SPTB: variants seen among roughly 807,000 people sequenced by gnomAD.
SPTB encodes spectrin beta chain, erythrocytic.
SPTB carries 45 observed loss-of-function variants against 256.2 expected under a neutral mutation model. That is an observed-to-expected ratio of 0.18 (90% CI 0.14 to 0.23). The LOEUF (loss-of-function observed/expected upper bound fraction) is 0.23, where lower values mean the gene tolerates loss of function less well. Among genes scored for constraint, SPTB ranks in the 10% least tolerant of loss-of-function variants. The pLI is 1.00. For missense variants in SPTB, 2,715 were observed against 3,040.4 expected (o/e 0.89, Z 2.52); for synonymous variants, 1,231 against 1,243.1 (o/e 0.99, Z 0.21).
rs2083196803 is a variant in SPTB, at chr14:64,816,701, C to T, written c.148+6246G>A. On this transcript the variant is annotated intron_variant, in intron 2 of 35. Transcript: ENST00000644917. The surrounding 1 kb of genome is among the most constrained non-coding windows in gnomAD (Gnocchi z 4.2). Reference sequence around the variant, plus strand: ...TTTGGAGGCAAAATGCTCCCAGAGACTCGGCTGCTACTAGCCTCCTTGTCA... The same window carrying T: ...TTTGGAGGCAAAATGCTCCCAGAGATTCGGCTGCTACTAGCCTCCTTGTCA... 6.6e-6 allele frequency among the ~76,000 whole-genome samples: 1 copy of T among 152,158 alleles called. No homozygotes were observed. The highest frequency in any genetic ancestry group is 2.4e-5 in the African/African-American group (1 of 41,420).
intron 1 of SPTB, among the ~76,000 whole-genome samples, chr14:64,858,241 G>A (rs1000865932): frequency 3.9e-5 from 6 of 152,190 alleles, no homozygotes; most frequent in African/African-American, 1.4e-4. Flanking sequence ...GTAAACAGAG[G>A]GTGCAGGTAA....
chr14:64,799,687 C>T (rs1170895387), intron 9 of SPTB, 60 bp downstream of exon 9: 2 of 1,600,570 alleles, frequency 1.2e-6, no homozygotes, highest in Non-Finnish European at 1.7e-6. Context: ...CTGGCTCTAC[C>T]TTTTGGTGGT....
In SPTB at chr14:64,792,519, T is replaced by G. The variant is rs1456938264; in HGVS notation, c.2666+478A>C. Among the ~76,000 whole-genome samples, 1 of 151,966 alleles carries G rather than the reference T, an allele frequency of 6.6e-6. No homozygotes were observed. Among genetic ancestry groups the G allele is most frequent in the African/African-American group, 2.4e-5 (1 of 41,388 alleles). On this transcript the variant is annotated intron_variant, in intron 14 of 35. Transcript: ENST00000644917. The surrounding 1 kb of genome is among the most constrained non-coding windows in gnomAD (Gnocchi z 4.2). ...CTGGGGCATGCCTCATCATCTGGGG[T>G]GCTGACAAAATCAGAACACCAGGGG...
chr14:64,878,297 A>T (rs1360239136), intron 1 of SPTB, among the ~76,000 whole-genome samples: 1 of 152,088 alleles, frequency 6.6e-6, no homozygotes, highest in South Asian at 2.1e-4. Flanking sequence ...TAAGTTTAAC[A>T]TTCCCTTTCC....
chr14:64,805,824 T>A (rs1413315188), intron 2 of SPTB, among the ~76,000 whole-genome samples: 1 of 152,200 alleles, frequency 6.6e-6, no homozygotes, highest in Non-Finnish European at 1.5e-5. Flanking sequence ...AGGAAAATGA[T>A]GAGCAAGGGA....
At position 64,774,558 on chromosome 14, in the gene SPTB, C is replaced by G. The variant is rs549633702; in HGVS notation, c.4843-31G>C. 7.7e-6 allele frequency: 12 copies of G among 1,551,562 alleles called. No homozygotes were observed. The Admixed American group carries it at 2.0e-4, about 25-fold the overall frequency. On this transcript the variant is annotated intron_variant, in intron 23 of 35. Transcript: ENST00000644917. ...AGGCAGCAGACGGTCAGCGCCAGAG[C>G]TCAGTCTGGCCATGATCCCTCCCTT... is the stretch of plus-strand genomic sequence containing the variant.
rs769729032 is a variant in SPTB at position 64,793,008 on chromosome 14, G to A, written c.2655C>T (p.Val885=). The A allele has an allele frequency of 2.1e-5, 34 of 1,613,832 alleles. 1 individual carries two copies. Among genetic ancestry groups the A allele is most frequent in the African/African-American group, 1.3e-4 (10 of 74,944 alleles). The change falls in exon 14 of 36, where the codon GTC becomes GTT. Residue 885 remains valine, a synonymous_variant. Coordinates refer to ENST00000644917, the MANE Select transcript of SPTB (RefSeq NM_001355436.2). The surrounding 1 kb of genome is among the most constrained non-coding windows in gnomAD (Gnocchi z 7.0). ...GAGTTAACTCTGACCTGTGCTGCACGACCTCCAGGTCCTCCAGGGTGTCTG... is the reference window on the plus strand; with the variant it reads ...GAGTTAACTCTGACCTGTGCTGCACAACCTCCAGGTCCTCCAGGGTGTCTG... ...EMPDTLEDLE[V]VQHRFDILDQ...
Position 64,852,689 on chromosome 14 carries a change from C to G in SPTB, c.-52+27103G>C, listed in dbSNP as rs376194822. 1.3e-5 allele frequency among the ~76,000 whole-genome samples: 2 copies of G among 152,118 alleles called. No individual in the cohort carries two copies. The highest frequency in any genetic ancestry group is 4.8e-5 in the African/African-American group (2 of 41,398). ...AAGGGAAGAGCCAAGAATGATTTCT[C>G]AAGTGGATGATGGTCCTATCAACCA... On this transcript the variant is annotated intron_variant, in intron 1 of 35. Transcript: ENST00000644917. The surrounding 1 kb of genome is among the most constrained non-coding windows in gnomAD (Gnocchi z 4.2).
chr14:64,827,479 T>G lies in SPTB; in HGVS notation c.-51-4334A>C, dbSNP rs2083392346. On this transcript the variant is annotated intron_variant, in intron 1 of 35. Transcript: ENST00000644917. This position sits in a 1 kb window ranked among gnomAD's most constrained non-coding sequence, Gnocchi z 4.6. Reference sequence around the variant, plus strand: ...TCTAGTTTGTCCTGCCCCTTTATGCTACCTCAAACCTGCTTTTAACAATTT... The same window carrying G: ...TCTAGTTTGTCCTGCCCCTTTATGCGACCTCAAACCTGCTTTTAACAATTT... Among the ~76,000 whole-genome samples the G allele has an allele frequency of 6.6e-6, 1 of 152,198 alleles. No individual in the cohort carries two copies. The highest frequency in any genetic ancestry group is 1.5e-5 in the Non-Finnish European group (1 of 68,034).
rs2083016438 is a variant in SPTB, at chr14:64,807,962, A to G, written c.149-2872T>C. On this transcript the variant is annotated intron_variant, in intron 2 of 35. Coordinates refer to ENST00000644917, the MANE Select transcript of SPTB (RefSeq NM_001355436.2). This position sits in a 1 kb window ranked among gnomAD's most constrained non-coding sequence, Gnocchi z 4.7. ...GCAGGAAGGGGGTGAGTCCACCAGCATGGACTGGCTGACAGCCTCTGCTGC... is the reference window on the plus strand; with the variant it reads ...GCAGGAAGGGGGTGAGTCCACCAGCGTGGACTGGCTGACAGCCTCTGCTGC... Among the ~76,000 whole-genome samples, 1 of 152,244 alleles carries G rather than the reference A, an allele frequency of 6.6e-6. No individual in the cohort carries two copies. The highest frequency in any genetic ancestry group is 1.5e-5 in the Non-Finnish European group (1 of 68,042).
chr14:64,872,491 G>A (rs1206684521), intron 1 of SPTB, among the ~76,000 whole-genome samples: 1 of 152,158 alleles, frequency 6.6e-6, no homozygotes, highest in Non-Finnish European at 1.5e-5. Flanking sequence ...AACTTCCAGT[G>A]GCTTCCTATG....
chr14:64,817,825 G>T (rs2083219540), intron 2 of SPTB, among the ~76,000 whole-genome samples: 1 of 152,250 alleles, frequency 6.6e-6, no homozygotes, highest in South Asian at 2.1e-4. Context: ...TGGCAGCCAA[G>T]GAGGTGGGCG....
chr14:64,847,870 G>A lies in SPTB; in HGVS notation c.-51-24725C>T, dbSNP rs1020436080. On this transcript the variant is annotated intron_variant, in intron 1 of 35. Coordinates refer to ENST00000644917, the MANE Select transcript of SPTB (RefSeq NM_001355436.2). The surrounding 1 kb of genome is among the most constrained non-coding windows in gnomAD (Gnocchi z 5.9). ...CCCCCCACCGCAAACCCCATCCGGAGTGAGACAAAGGGAGGCACTCCACAC... is the reference window on the plus strand; with the variant it reads ...CCCCCCACCGCAAACCCCATCCGGAATGAGACAAAGGGAGGCACTCCACAC... Among the ~76,000 whole-genome samples the A allele has an allele frequency of 2.0e-5, 3 of 152,158 alleles. No individual in the cohort carries two copies. Among genetic ancestry groups the A allele is most frequent in the Admixed American group, 1.3e-4 (2 of 15,272 alleles).
intron 15 of SPTB, among the ~76,000 whole-genome samples, chr14:64,788,062 A>T (rs967571996): frequency 1.3e-5 from 2 of 152,250 alleles, no homozygotes; most frequent in African/African-American, 4.8e-5. Flanking sequence ...GATTTAGAGA[A>T]ATATTCAGAC....
At chr14:64,787,282 TA>T (rs2082589601) in intron 15 of SPTB, 122 bp from the exon 16 acceptor site, 1 of 1,322,562 alleles carries the variant, frequency 7.6e-7, no homozygotes, top group African/African-American at 1.6e-5. Context: ...CTTTGTATGA[TA>T]AAAAGAAAAA....
intron 33 of SPTB, chr14:64,752,158 G>A: frequency 1.5e-6 from 2 of 1,327,448 alleles, no homozygotes; most frequent in Non-Finnish European, 2.0e-6. Flanking sequence ...TGGCATGTTT[G>A]GTGAGGGAAT....
Position 64,777,477 on chromosome 14 carries a change from G to A in SPTB, c.4563+1680C>T, listed in dbSNP as rs79020374. On this transcript the variant is annotated intron_variant, in intron 22 of 35. Coordinates refer to ENST00000644917, the MANE Select transcript of SPTB (RefSeq NM_001355436.2). This position sits in a 1 kb window ranked among gnomAD's most constrained non-coding sequence, Gnocchi z 4.5. ...GTTCCCTAGGTGATGTGAGTGTACA[G>A]CCAGGGGTGAGAGCCCTTCATGTAC... 0.092 allele frequency among the ~76,000 whole-genome samples: 13,948 copies of A among 152,246 alleles called. 693 individuals are homozygous for A. Among genetic ancestry groups the A allele is most frequent in the Middle Eastern group, 0.13 (38 of 294 alleles).
chr14:64,813,403 A>C (rs140131466), intron 2 of SPTB, among the ~76,000 whole-genome samples: 26 of 152,304 alleles, frequency 1.7e-4, no homozygotes, highest in Admixed American at 1.5e-3. Context: ...TCTGAAAACA[A>C]TCATTTCATG....
In SPTB at chr14:64,827,454, T is replaced by A. The variant is rs1033160146; in HGVS notation, c.-51-4309A>T. 3.9e-5 allele frequency among the ~76,000 whole-genome samples: 6 copies of A among 152,224 alleles called. No homozygotes were observed. Among genetic ancestry groups the A allele is most frequent in the African/African-American group, 1.4e-4 (6 of 41,454 alleles). ...TAAGGTTTGACCCCCTCACCTGTTT[T>A]CTAGTTTGTCCTGCCCCTTTATGCT... On this transcript the variant is annotated intron_variant, in intron 1 of 35. Transcript: ENST00000644917. The surrounding 1 kb of genome is among the most constrained non-coding windows in gnomAD (Gnocchi z 4.6).
Sources: allele counts gnomAD v4.1 joint callset (sites outside exome capture counted in the v4.1 genomes callset), GRCh38; gene constraint gnomAD v4.1.1; non-coding constraint Gnocchi (gnomAD v3.1); transcripts MANE v1.5; gene names NCBI Gene and HGNC (gene_info 2026-07-23, HGNC 2026-07-21).